The following BBOF1 variants were observed in gnomAD, a reference collection of about 807,000 sequenced individuals.
BBOF1 encodes the protein basal body orientation factor 1, also known as basal body-orientation factor 1.
Under a neutral mutation model 68.0 loss-of-function variants are expected in BBOF1, and 62 were observed. The observed-to-expected ratio is 0.91, with a 90% confidence interval of 0.74 to 1.13. The LOEUF is 1.13. Ranked by LOEUF, BBOF1 falls within the 50% of genes most tolerant of loss-of-function variation. The probability of loss-of-function intolerance (pLI) is 0.00; values close to 1 mark genes in which losing one functional copy is unlikely to be tolerated. For synonymous variants in BBOF1, 208 were observed against 198.8 expected (o/e 1.05, Z -0.39); for missense variants, 534 against 600.1 (o/e 0.89, Z 1.15).
rs753348276 is a variant in BBOF1 at position 74,050,098 on chromosome 14, T to G, written c.1189T>G (p.Cys397Gly). 44 of 1,613,524 alleles carry G rather than the reference T, an allele frequency of 2.7e-5. No individual in the cohort carries two copies. Among genetic ancestry groups the G allele is most frequent in the African/African-American group, 4.0e-5 (3 of 74,890 alleles). The change falls in exon 8 of 12, where the codon TGT (cysteine) becomes GGT (glycine). Residue 397 changes from cysteine to glycine, a missense_variant. By Grantham distance (159) the Cys-to-Gly change is radical. Transcript: ENST00000394009. ...AAFNLKMRAA[C>G]TGRTEYPKIR... is the part of the protein sequence containing the mutation. ...TTTCAATTTAAAAATGAGAGCAGCA[T>G]GTACAGGAAGAACAGAATATCCCAA...
chr14:74,049,093 C>A lies in BBOF1; in HGVS notation c.793-609C>A, dbSNP rs1302444192. On this transcript the variant is annotated intron_variant, in intron 7 of 11. Transcript: ENST00000394009. ...TTTGCTATGTTGGCCAGGCTGATCTCGAACTCCTGACCTCAGGTGATCCAC... is the reference window on the plus strand; with the variant it reads ...TTTGCTATGTTGGCCAGGCTGATCTAGAACTCCTGACCTCAGGTGATCCAC... Among the ~76,000 whole-genome samples the A allele has an allele frequency of 3.3e-5, 5 of 152,178 alleles. No individual in the cohort carries two copies. In the East Asian group the frequency reaches 9.7e-4, roughly 30 times the overall value.
Position 74,034,062 on chromosome 14 carries a change from A to T in BBOF1, c.386A>T (p.Glu129Val). Residue 129 changes from glutamate to valine, a missense_variant, in exon 4 of 12, where the codon GAG becomes GTG. By Grantham distance (121) the Glu-to-Val change is moderately radical (BLOSUM62 -2). Coordinates refer to ENST00000394009, the MANE Select transcript of BBOF1 (RefSeq NM_025057.3). ...QKYTRQINELEGQFHQKAKEI... is the reference protein window; with the variant it reads ...QKYTRQINELVGQFHQKAKEI... ...TATACCAGGCAAATTAATGAACTAG[A>T]GGGACAGTTCCATCAAAAAGCCAAA... The T allele has an allele frequency of 6.2e-7, 1 of 1,606,958 alleles. No homozygotes were observed. Among genetic ancestry groups the T allele is most frequent in the Non-Finnish European group, 8.5e-7 (1 of 1,177,170 alleles).
chr14:74,034,972 G>T (rs915308963), intron 4 of BBOF1, among the ~76,000 whole-genome samples: 7 of 152,094 alleles, frequency 4.6e-5, no homozygotes, highest in African/African-American at 1.7e-4. Flanking sequence ...CGTGCGTATA[G>T]TCCCAGCAAC....
At chr14:74,053,989 C>T (rs556527658) in intron 8 of BBOF1, among the ~76,000 whole-genome samples, 14 of 152,210 alleles carry the variant, frequency 9.2e-5, no homozygotes, top group Admixed American at 3.3e-4. Context: ...ATTCTCCTGC[C>T]TCAGCCTCCC....
intron 9 of BBOF1, chr14:74,071,506 C>T (rs1401755466): frequency 6.2e-7 from 1 of 1,613,628 alleles, no homozygotes. Context: ...CTCTGGAACA[C>T]AGAAGTCAGG....
chr14:74,052,498 A>G (rs548778437), intron 8 of BBOF1, among the ~76,000 whole-genome samples: 14 of 151,966 alleles, frequency 9.2e-5, no homozygotes, highest in Admixed American at 7.2e-4. Context: ...TACAAAAATT[A>G]GCCAGGCATG....
intron 5 of BBOF1, among the ~76,000 whole-genome samples, chr14:74,042,960 G>C (rs2059861217): frequency 6.6e-6 from 1 of 151,948 alleles, no homozygotes; most frequent in Non-Finnish European, 1.5e-5. Context: ...GGAAGCTAGG[G>C]AGGAAAAAGA....
intron 3 of BBOF1, 24 bp from the exon 4 acceptor site, chr14:74,034,004 C>T (rs575185648): frequency 6.8e-5 from 107 of 1,568,770 alleles, no homozygotes; most frequent in Non-Finnish European, 8.5e-5. Flanking sequence ...TTTCCTAACT[C>T]GTTTACCTCT....
intron 3 of BBOF1, among the ~76,000 whole-genome samples, chr14:74,030,548 T>G (rs531255800): frequency 1.3e-5 from 2 of 151,900 alleles, no homozygotes; most frequent in Middle Eastern, 3.4e-3. Context: ...CAGGCTGGAG[T>G]GCAGTGGCGC....
chr14:74,060,770 A>G (rs1242415964), intron 11 of BBOF1: 2 of 1,519,212 alleles, frequency 1.3e-6, no homozygotes, highest in Non-Finnish European at 1.8e-6. Flanking sequence ...AAAAAAAGTT[A>G]GCATATATTT....
chr14:74,041,395 A>G (rs1875518289), intron 5 of BBOF1, among the ~76,000 whole-genome samples: 1 of 152,204 alleles, frequency 6.6e-6, no homozygotes, highest in Admixed American at 6.5e-5. Context: ...TGGGAAGTAC[A>G]CTGGAACACT....
At chr14:74,036,603 G>C (rs2059704837) in intron 4 of BBOF1, among the ~76,000 whole-genome samples, 1 of 147,586 alleles carries the variant, frequency 6.8e-6, no homozygotes. Context: ...AGGATCTCTT[G>C]AACCTGGGAG....
intron 9 of BBOF1, among the ~76,000 whole-genome samples, chr14:74,076,525 C>A (rs1237760169): frequency 6.6e-6 from 1 of 151,844 alleles, no homozygotes; most frequent in Non-Finnish European, 1.5e-5. Context: ...CCACGCCCAG[C>A]TAATTTTCTT....
chr14:74,079,341 G>A (rs571295344), intron 10 of BBOF1, among the ~76,000 whole-genome samples: 13 of 151,918 alleles, frequency 8.6e-5, no homozygotes, highest in Admixed American at 8.5e-4. Flanking sequence ...CCACCTCCCG[G>A]GTTCAGGCGA....
chr14:74,069,850 C>CTTTTT (rs779619553), downstream of BBOF1, among the ~76,000 whole-genome samples: 7 of 122,518 alleles, frequency 5.7e-5, no homozygotes, highest in African/African-American at 1.7e-4. Context: ...CTAATCTAAC[C>CTTTTT]TTTTTTTTTT....
chr14:74,066,964 C>G (rs554160645), downstream of BBOF1: 6 of 1,442,806 alleles, frequency 4.2e-6, no homozygotes, highest in African/African-American at 8.4e-5. Flanking sequence ...GCCTGTAATC[C>G]CAAAGCTTTA....
chr14:74,059,342 GT>G (rs1285060433), intron 11 of BBOF1: 2 of 456,136 alleles, frequency 4.4e-6, no homozygotes. Flanking sequence ...CATTTTCATG[GT>G]TGGAACAATC....
intron 10 of BBOF1, among the ~76,000 whole-genome samples, chr14:74,079,469 T>C (rs1190849219): frequency 6.6e-6 from 1 of 150,864 alleles, no homozygotes; most frequent in Non-Finnish European, 1.5e-5. Context: ...AGTCTCACTC[T>C]GTCGCCCAGG....
chr14:74,068,378 C>CA (rs952515901), downstream of BBOF1, among the ~76,000 whole-genome samples: 18 of 130,542 alleles, frequency 1.4e-4, no homozygotes, highest in South Asian at 6.1e-4. Flanking sequence ...GACTCTGTCT[C>CA]AAAAAAAAAG....
Sources: allele counts gnomAD v4.1 joint callset (sites outside exome capture counted in the v4.1 genomes callset), GRCh38; gene constraint gnomAD v4.1.1; transcripts MANE v1.5; gene names NCBI Gene and HGNC (gene_info 2026-07-23, HGNC 2026-07-21).